The following PAPSS2 variants were observed in gnomAD, a reference collection of about 807,000 sequenced individuals.
PAPSS2 encodes the protein 3'-phosphoadenosine 5'-phosphosulfate synthase 2, also known as bifunctional 3'-phosphoadenosine 5'-phosphosulfate synthase 2.
PAPSS2 carries 61 observed loss-of-function variants against 66.5 expected under a neutral mutation model. The observed-to-expected ratio is 0.92, with a 90% CI of 0.75 to 1.14. The LOEUF is 1.14. Ranked by LOEUF, PAPSS2 falls within the 50% of genes most tolerant of loss-of-function variation. The pLI is 0.00. For synonymous variants in PAPSS2, 289 were observed against 287.5 expected, an observed-to-expected ratio of 1.01 and a Z score of -0.05; for missense variants, 708 against 789.6, an observed-to-expected ratio of 0.90 and a Z score of 1.24.
intron 1 of PAPSS2, among the ~76,000 whole-genome samples, chr10:87,705,296 T>C (rs1278525111): frequency 1.3e-5 from 2 of 152,364 alleles, no homozygotes; most frequent in East Asian, 3.9e-4. Flanking sequence ...ATAACCATTA[T>C]ATAAGTATTC....
chr10:87,692,112 T>G (rs955468994), intron 1 of PAPSS2, among the ~76,000 whole-genome samples: 1 of 151,584 alleles, frequency 6.6e-6, no homozygotes, highest in Non-Finnish European at 1.5e-5. Flanking sequence ...CTTGATAGAT[T>G]AATTTTTTTA....
intron 1 of PAPSS2, among the ~76,000 whole-genome samples, chr10:87,661,278 G>A (rs1191054957): frequency 6.6e-6 from 1 of 152,148 alleles, no homozygotes; most frequent in Non-Finnish European, 1.5e-5. Flanking sequence ...GGACCAGCAG[G>A]AGGGTCCAGG....
At chr10:87,661,683 G>C (rs1164041121) in intron 1 of PAPSS2, among the ~76,000 whole-genome samples, 1 of 152,162 alleles carries the variant, frequency 6.6e-6, no homozygotes, top group African/African-American at 2.4e-5. Flanking sequence ...ATCAATTGCG[G>C]GGGCTCTGCA....
intron 1 of PAPSS2, among the ~76,000 whole-genome samples, chr10:87,684,443 G>A (rs1032191797): frequency 1.3e-5 from 2 of 152,214 alleles, no homozygotes; most frequent in Admixed American, 1.3e-4. Flanking sequence ...CAGCTCACAT[G>A]TGCTGATGAC....
intron 9 of PAPSS2, among the ~76,000 whole-genome samples, chr10:87,735,165 G>T (rs193050637): frequency 2.2e-4 from 33 of 152,206 alleles, no homozygotes; most frequent in African/African-American, 7.7e-4. Context: ...AGCTTGGAAG[G>T]GGGTGGGGAC....
rs117524016 is a variant in PAPSS2, at chr10:87,690,476, G to A, written c.28-18720G>A. ...GAGAGATGGGGGCGGAGGCAGAAGT[G>A]GCAGCATGGCTTCTGCATACCTGCT... On this transcript the variant is annotated intron_variant, in intron 1 of 12. Transcript: ENST00000456849. Among the ~76,000 whole-genome samples, 1,019 of 152,306 alleles carry A rather than the reference G, an allele frequency of 6.7e-3. 5 individuals carry two copies. The highest frequency in any genetic ancestry group is 0.012 in the Non-Finnish European group (798 of 68,018).
rs117280710 is a variant in PAPSS2, at chr10:87,680,766, A to G, written c.27+20758A>G. On this transcript the variant is annotated intron_variant, in intron 1 of 12. Transcript: ENST00000456849. ...ACAGAATACTACCTGAATCCCACAA[A>G]TGCCTTCCAGTCACTACCTCCTTCT... 1.6e-3 allele frequency among the ~76,000 whole-genome samples: 251 copies of G among 152,220 alleles called. 8 individuals carry two copies. The East Asian group carries it at 0.047, about 29-fold the overall frequency.
At chr10:87,705,745 T>C (rs1362753569) in intron 1 of PAPSS2, among the ~76,000 whole-genome samples, 1 of 151,896 alleles carries the variant, frequency 6.6e-6, no homozygotes, top group East Asian at 1.9e-4. Flanking sequence ...TCCTTATTTT[T>C]TTTTTTGAGA....
At chr10:87,703,127 T>C (rs1853338265) in intron 1 of PAPSS2, among the ~76,000 whole-genome samples, 2 of 152,108 alleles carry the variant, frequency 1.3e-5, no homozygotes. Flanking sequence ...CCATCCTCCA[T>C]CTAGGTAACG....
intron 2 of PAPSS2, among the ~76,000 whole-genome samples, chr10:87,712,038 C>G (rs1853468442): frequency 6.6e-6 from 1 of 151,938 alleles, no homozygotes; most frequent in Non-Finnish European, 1.5e-5. Context: ...TCTTTCCCTT[C>G]TTATGTTCCT....
In PAPSS2 at chr10:87,664,551, A is replaced by G. The variant is rs138838391; in HGVS notation, c.27+4543A>G. ...AGATAAATGTGGTTAACTCAGTTAT[A>G]TGTCTCTTTGAGATAGTTATCTTTG... On this transcript the variant is annotated intron_variant, in intron 1 of 12. Transcript: ENST00000456849. Among the ~76,000 whole-genome samples the G allele has an allele frequency of 6.6e-5, 10 of 152,278 alleles. No homozygotes were observed. The East Asian group carries it at 1.7e-3, about 26-fold the overall frequency.
At chr10:87,744,810 A>C (rs1261142554) in intron 11 of PAPSS2, among the ~76,000 whole-genome samples, 192 bp from the exon 12 acceptor site, 1 of 152,216 alleles carries the variant, frequency 6.6e-6, no homozygotes, top group African/African-American at 2.4e-5. Context: ...TTATCTTTAG[A>C]GCTCCTATCC....
intron 9 of PAPSS2, among the ~76,000 whole-genome samples, chr10:87,734,137 T>A (rs1472958151): frequency 6.6e-6 from 1 of 152,158 alleles, no homozygotes; most frequent in African/African-American, 2.4e-5. Flanking sequence ...TTTATTAAGA[T>A]ACAATTTACC....
At chr10:87,721,665 A>T in intron 7 of PAPSS2, 91 bp from the exon 8 acceptor site, 1 of 828,768 alleles carries the variant, frequency 1.2e-6, no homozygotes, top group Non-Finnish European at 2.0e-6. Flanking sequence ...GTGAAGTGTC[A>T]TAATAGGAAT....
At chr10:87,706,108 A>ATGTGTGTGTGTGTGTGTG (rs150079044) in intron 1 of PAPSS2, among the ~76,000 whole-genome samples, 23 of 51,972 alleles carry the variant, frequency 4.4e-4, no homozygotes, top group South Asian at 2.1e-3. Context: ...ATATATATAT[A>ATGTGTGTGTGTGTGTGTG]TGTGTGTGTG....
intron 1 of PAPSS2, among the ~76,000 whole-genome samples, chr10:87,688,837 T>C (rs1853125532): frequency 6.6e-6 from 1 of 152,010 alleles, no homozygotes; most frequent in African/African-American, 2.4e-5. Context: ...CCAAAATAAC[T>C]CTCTCTTTTT....
rs368206390 is a variant in PAPSS2, at chr10:87,727,287, G to C, written c.884G>C (p.Gly295Ala). The change falls in exon 9 of 13, where the codon GGC becomes GCC. Residue 295 changes from glycine to alanine, a missense_variant. By Grantham distance (60) the Gly-to-Ala change is moderately conservative. Transcript: ENST00000456849. ...TLLDGMALPDGVINMSIPIVL... is the reference protein window; with the variant it reads ...TLLDGMALPDAVINMSIPIVL... The stretch of plus-strand genomic sequence containing the variant: ...CATCACATGGCTCTTTCCACAGATG[G>C]CGTGATCAACATGAGCATCCCCATT... 6.2e-7 allele frequency: 1 copy of C among 1,612,900 alleles called. No homozygotes were observed. The highest frequency in any genetic ancestry group is 8.5e-7 in the Non-Finnish European group (1 of 1,179,854).
chr10:87,742,281 A>C (rs1381430515), intron 10 of PAPSS2, among the ~76,000 whole-genome samples: 1 of 152,222 alleles, frequency 6.6e-6, no homozygotes, highest in Non-Finnish European at 1.5e-5. Context: ...TCTGGAAAAC[A>C]AAATAAAATA....
chr10:87,743,644 G>A lies in PAPSS2; in HGVS notation c.1491+3G>A, dbSNP rs375537841. 133 of 1,614,126 alleles carry A rather than the reference G, an allele frequency of 8.2e-5. No homozygotes were observed. In the African/African-American group the frequency reaches 1.5e-3, roughly 18 times the overall value. The stretch of plus-strand genomic sequence containing the variant: ...TGTTATATGCTGGCCCCACAGAGGT[G>A]AGCAATTCCCAGAGCTGGGCTTTGA... On this transcript the variant is annotated splice_donor_region_variant and intron_variant, in intron 11 of 12. Coordinates refer to ENST00000456849, the MANE Select transcript of PAPSS2 (RefSeq NM_001015880.2).
Sources: gnomAD v4.1 joint callset for allele counts (sites outside exome capture counted in the v4.1 genomes callset) on GRCh38, gnomAD v4.1.1 for gene constraint, MANE v1.5 for transcripts, NCBI Gene and HGNC (gene_info 2026-07-23, HGNC 2026-07-21) for gene names.